MROH2B: variants seen among roughly 807,000 people sequenced by gnomAD.
MROH2B encodes the protein maestro heat like repeat family member 2B.
In MROH2B, 177 loss-of-function variants were observed where a neutral mutation model predicts 208.6. The observed-to-expected ratio is 0.85, with a 90% CI of 0.75 to 0.96. MROH2B has a LOEUF of 0.96. Ranked by LOEUF, MROH2B falls within the 40% of genes least tolerant of loss-of-function variation. MROH2B has a pLI of 0.00. For missense variants in MROH2B, 2,002 were observed against 1,878.7 expected (o/e 1.07, Z -1.21); for synonymous variants, 728 against 659.0 (o/e 1.10, Z -1.60).
At chr5:41,033,312 C>A (rs1742639443) in intron 22 of MROH2B, among the ~76,000 whole-genome samples, 152 bp from the exon 23 acceptor site, 1 of 152,046 alleles carries the variant, frequency 6.6e-6, no homozygotes, top group Non-Finnish European at 1.5e-5. Flanking sequence ...GTCTAAGTTG[C>A]AGGGAAAGTG....
chr5:41,059,671 G>T (rs1293175584), intron 6 of MROH2B, among the ~76,000 whole-genome samples: 2 of 152,098 alleles, frequency 1.3e-5, no homozygotes. Context: ...CTACATCTTT[G>T]CTTCTTGAAA....
At chr5:40,999,548 C>T in intron 40 of MROH2B, 129 bp downstream of exon 40, 2 of 631,730 alleles carry the variant, frequency 3.2e-6, no homozygotes, top group East Asian at 3.0e-5. Flanking sequence ...AAGATAAAAG[C>T]CCTTTCTGGG....
At chr5:41,047,818 T>C in intron 16 of MROH2B, 54 bp from the exon 17 acceptor site, 4 of 1,468,944 alleles carry the variant, frequency 2.7e-6, no homozygotes, top group Non-Finnish European at 3.7e-6. Flanking sequence ...ACCCCAAGAC[T>C]CAAATTCTCC....
chr5:41,028,189 A>AT (rs1455730263), intron 24 of MROH2B, among the ~76,000 whole-genome samples: 1 of 152,144 alleles, frequency 6.6e-6, no homozygotes, highest in Non-Finnish European at 1.5e-5. Context: ...AAGTATATAT[A>AT]AAAAAAGATA....
At chr5:41,000,448 AG>A (rs1202545323) in intron 38 of MROH2B, 97 bp from the exon 39 acceptor site, 2 of 1,491,622 alleles carry the variant, frequency 1.3e-6, no homozygotes, top group African/African-American at 2.8e-5. Context: ...AAGCACTAAA[AG>A]TCAGTGGTGT....
Position 41,033,857 on chromosome 5 carries a change from C to T in MROH2B, c.2222G>A (p.Gly741Asp), listed in dbSNP as rs969293435. 3 of 1,547,524 alleles carry T rather than the reference C, an allele frequency of 1.9e-6. No individual in the cohort carries two copies. The highest frequency in any genetic ancestry group is 1.2e-5 in the South Asian group (1 of 83,846). The change falls in exon 22 of 42, where the codon GGC becomes GAC. Residue 741 changes from glycine to aspartate, a missense_variant. Physicochemically the swap from Gly to Asp is moderately conservative, Grantham distance 94. Coordinates refer to ENST00000399564, the MANE Select transcript of MROH2B (RefSeq NM_173489.5). The part of the protein sequence containing the change: ...SLHGQCSQVL[G>D]MSVMNKDMDL... ...TCCTACCTTGTTCATCACAGACATGCCCAGAACCTAAAAAAAATCAAAGGC... is the reference window on the plus strand; with the variant it reads ...TCCTACCTTGTTCATCACAGACATGTCCAGAACCTAAAAAAAATCAAAGGC...
intron 35 of MROH2B, 120 bp from the exon 36 acceptor site, chr5:41,005,040 G>A (rs1280642933): frequency 8.2e-6 from 11 of 1,344,956 alleles, no homozygotes; most frequent in African/African-American, 1.5e-5. Flanking sequence ...CAGCGGAGGA[G>A]GAAGCCCTCT....
At chr5:41,061,978 G>A (rs894913785) in intron 5 of MROH2B, among the ~76,000 whole-genome samples, 8 of 148,852 alleles carry the variant, frequency 5.4e-5, no homozygotes, top group Non-Finnish European at 7.4e-5. Context: ...CAAGACTAAG[G>A]TGCAGCTGGT....
At chr5:41,013,104 A>C (rs927723319) in intron 29 of MROH2B, among the ~76,000 whole-genome samples, 1 of 152,244 alleles carries the variant, frequency 6.6e-6, no homozygotes, top group Non-Finnish European at 1.5e-5. Context: ...TATCATAGAA[A>C]CATGACTTGA....
Position 41,045,851 on chromosome 5 carries a change from C to T in MROH2B, c.1731G>A (p.Leu577=), listed in dbSNP as rs1300940383. 2 of 1,610,364 alleles carry T rather than the reference C, an allele frequency of 1.2e-6. No individual in the cohort carries two copies. The change falls in exon 18 of 42, where the codon TTG becomes TTA. Residue 577 remains leucine, a splice_region_variant and synonymous_variant. Transcript: ENST00000399564. The stretch of plus-strand genomic sequence containing the variant: ...TGATCTTCCATAAGGATTCTTTGAG[C>T]AACTGTTGTAGGAAGTGGAAGTTAG... The part of the protein sequence containing the change: ...TVLWETMLLQ[L]LKESLWKISD...
intron 24 of MROH2B, among the ~76,000 whole-genome samples, chr5:41,025,227 A>G (rs532284643): frequency 6.6e-6 from 1 of 152,324 alleles, no homozygotes; most frequent in Non-Finnish European, 1.5e-5. Context: ...AGCCCTTCAA[A>G]AAATCAATGA....
chr5:41,024,301 A>G (rs1213502683), intron 24 of MROH2B, among the ~76,000 whole-genome samples: 1 of 152,186 alleles, frequency 6.6e-6, no homozygotes, highest in African/African-American at 2.4e-5. Flanking sequence ...TCTCACATGC[A>G]GAGACACACA....
At chr5:41,003,651 G>A (rs1471717992) in intron 37 of MROH2B, among the ~76,000 whole-genome samples, 1 of 152,174 alleles carries the variant, frequency 6.6e-6, no homozygotes, top group African/African-American at 2.4e-5. Context: ...TCTGCAGACT[G>A]TAAGGTAAAT....
At chr5:41,015,983 C>T (rs1296233572) in intron 28 of MROH2B, among the ~76,000 whole-genome samples, 2 of 152,144 alleles carry the variant, frequency 1.3e-5, no homozygotes, top group Admixed American at 6.5e-5. Context: ...TAAATGCAGA[C>T]CTAACCAATA....
intron 6 of MROH2B, among the ~76,000 whole-genome samples, chr5:41,061,050 T>C (rs1480251958): frequency 1.3e-5 from 2 of 152,224 alleles, no homozygotes; most frequent in African/African-American, 4.8e-5. Flanking sequence ...ACTTTGTAAT[T>C]TATTCTTTAC....
In MROH2B at chr5:41,018,928, A is replaced by G. The variant is rs1742052550; in HGVS notation, c.2532T>C (p.Asn844=). ...TGTCTGTCTGGCCTTCACTTTTCAG[A>G]TTTTCCAGAGGTGGAAGGGGCAGCA... ...RRLLPLPPLE[N]LKSEGQTDKD... is the part of the protein sequence containing the mutation. The change falls in exon 25 of 42, where the codon AAT becomes AAC. Residue 844 remains asparagine (N), a synonymous_variant. Transcript: ENST00000399564. The G allele has an allele frequency of 6.2e-7, 1 of 1,613,770 alleles. No homozygotes were observed. The highest frequency in any genetic ancestry group is 1.1e-5 in the South Asian group (1 of 91,064).
Position 41,058,092 on chromosome 5 carries a change from C to T in MROH2B, c.727G>A (p.Asp243Asn). The change falls in exon 7 of 42, where the codon GAC becomes AAC. Residue 243 changes from aspartate to asparagine, a missense_variant. Transcript: ENST00000399564. ...QVPWLLNQYK[D>N]KEIDFHVTQS... ...GTGACATGGAAATCAATCTCTTTGT[C>T]TTTATACTGGTTCAGGAGCCAGGGC... 1 of 1,602,492 alleles carries T rather than the reference C, an allele frequency of 6.2e-7. No individual in the cohort carries two copies. Among genetic ancestry groups the T allele is most frequent in the Non-Finnish European group, 8.5e-7 (1 of 1,174,526 alleles).
intron 24 of MROH2B, among the ~76,000 whole-genome samples, chr5:41,030,734 C>T (rs550350620): frequency 4.6e-5 from 7 of 152,028 alleles, no homozygotes; most frequent in Non-Finnish European, 7.4e-5. Context: ...ACTATAGTTA[C>T]TGAAACAGCA....
intron 21 of MROH2B, among the ~76,000 whole-genome samples, chr5:41,038,021 C>T (rs975557337): frequency 1.3e-5 from 2 of 152,086 alleles, no homozygotes; most frequent in Non-Finnish European, 2.9e-5. Flanking sequence ...AAAGGTAGAA[C>T]ATTCTTGGTA....
Sources: allele counts gnomAD v4.1 joint callset (sites outside exome capture counted in the v4.1 genomes callset), GRCh38; gene constraint gnomAD v4.1.1; transcripts MANE v1.5; gene names NCBI Gene and HGNC (gene_info 2026-07-23, HGNC 2026-07-21).